RBM26: variants seen among roughly 807,000 people sequenced by gnomAD.
RBM26 encodes the protein RNA-binding protein 26.
RBM26 carries 30 observed loss-of-function variants against 123.6 expected under a neutral mutation model. The ratio of observed to expected loss-of-function variants is 0.24; its 90% CI spans 0.18 to 0.33. RBM26 has a LOEUF of 0.33. RBM26 is among the 10% of genes least tolerant of loss of function. RBM26 has a pLI of 1.00. For missense variants in RBM26, 947 were observed against 1,203.6 expected (o/e 0.79, Z 3.15); for synonymous variants, 400 against 404.4 (o/e 0.99, Z 0.13).
chr13:79,366,635 G>A lies in RBM26; in HGVS notation c.1133C>T (p.Thr378Ile), dbSNP rs1466261520. The A allele has an allele frequency of 1.3e-6, 2 of 1,547,776 alleles. No individual in the cohort carries two copies. The change falls in exon 7 of 22, where the codon ACA becomes ATA. Residue 378 changes from threonine (T) to isoleucine (I), a missense_variant and splice_region_variant. Thr to Ile is a moderately conservative substitution (Grantham distance 89, BLOSUM62 -1). Coordinates refer to ENST00000438737, the MANE Select transcript of RBM26 (RefSeq NM_001366735.2). ...GPLPPSLPPV[T>I]GPPPPLPPLQ... ...GGGAAACAAACAGATTTACTTACCT[G>A]TAACAGGTGGGAGACTGGGTGGCAA...
chr13:79,353,257 T>C, intron 13 of RBM26, 33 bp from the exon 14 acceptor site: 1 of 1,225,242 alleles, frequency 8.2e-7, no homozygotes, highest in Non-Finnish European at 1.2e-6. Context: ...ATTCAGTGTT[T>C]CCCCAAACAT....
chr13:79,371,765 A>G (rs2075905785), intron 4 of RBM26, 77 bp downstream of exon 4: 3 of 1,047,820 alleles, frequency 2.9e-6, no homozygotes, highest in Admixed American at 3.8e-5. Context: ...TCTGCGTAAA[A>G]GATAACCCAA....
intron 1 of RBM26, among the ~76,000 whole-genome samples, chr13:79,400,546 GACAA>G (rs2078976557): frequency 6.6e-6 from 1 of 152,068 alleles, no homozygotes; most frequent in Non-Finnish European, 1.5e-5. Context: ...TTCTGGAGAA[GACAA>G]ACATTCAAAT....
chr13:79,353,031 G>C (rs1186610411), intron 14 of RBM26, 122 bp downstream of exon 14: 1 of 490,098 alleles, frequency 2.0e-6, no homozygotes, highest in Non-Finnish European at 3.5e-6. Context: ...CCAAAAGGTA[G>C]GAAAAGATAC....
At chr13:79,373,134 T>G (rs1230784843) in intron 3 of RBM26, among the ~76,000 whole-genome samples, 1 of 74,936 alleles carries the variant, frequency 1.3e-5, no homozygotes, top group African/African-American at 5.7e-5. Context: ...ATAAGATATA[T>G]CTTATATATT....
intron 11 of RBM26, among the ~76,000 whole-genome samples, chr13:79,357,970 C>T (rs1231171189): frequency 1.3e-5 from 2 of 151,004 alleles, no homozygotes; most frequent in Non-Finnish European, 2.9e-5. Flanking sequence ...GCAACCTTAG[C>T]CTCCCAGATT....
chr13:79,329,420 G>A (rs1385736198), intron 20 of RBM26, among the ~76,000 whole-genome samples: 1 of 151,448 alleles, frequency 6.6e-6, no homozygotes, highest in East Asian at 1.9e-4. Flanking sequence ...TAATAGTAAT[G>A]CGTACCCCTA....
chr13:79,353,481 C>T (rs1031308767), intron 13 of RBM26, among the ~76,000 whole-genome samples: 1 of 151,988 alleles, frequency 6.6e-6, no homozygotes, highest in Non-Finnish European at 1.5e-5. Context: ...AAAGTCCCTG[C>T]CACTGACACA....
Position 79,389,913 on chromosome 13 carries a change from T to C in RBM26, c.72-11006A>G, listed in dbSNP as rs1030165749. 7.2e-5 allele frequency among the ~76,000 whole-genome samples: 11 copies of C among 152,240 alleles called. No homozygotes were observed. In the East Asian group the frequency reaches 7.7e-4, roughly 11 times the overall value. On this transcript the variant is annotated intron_variant, in intron 1 of 21. Coordinates refer to ENST00000438737, the MANE Select transcript of RBM26 (RefSeq NM_001366735.2). Reference sequence around the variant, plus strand: ...AATTCTATGGAACCACTGGAAAGAATAGGAATCTACCTAACAGTATACTTT... The same window carrying C: ...AATTCTATGGAACCACTGGAAAGAACAGGAATCTACCTAACAGTATACTTT...
chr13:79,347,925 A>T (rs1353324368), intron 14 of RBM26, among the ~76,000 whole-genome samples: 1 of 151,268 alleles, frequency 6.6e-6, no homozygotes, highest in Non-Finnish European at 1.5e-5. Flanking sequence ...TTTATTGCAG[A>T]TTTCCTTCAT....
chr13:79,333,770 A>G (rs1003253403), intron 20 of RBM26, among the ~76,000 whole-genome samples: 1 of 152,178 alleles, frequency 6.6e-6, no homozygotes, highest in African/African-American at 2.4e-5. Flanking sequence ...TGGAAAGACA[A>G]TTCAAGATTG....
At position 79,404,082 on chromosome 13, in the gene RBM26, C is replaced by T. The variant is rs140802268; in HGVS notation, c.71+1622G>A. 3.5e-4 allele frequency among the ~76,000 whole-genome samples: 53 copies of T among 152,286 alleles called. 1 individual carries two copies. Among genetic ancestry groups the T allele is most frequent in the African/African-American group, 1.2e-3 (51 of 41,562 alleles). On this transcript the variant is annotated intron_variant, in intron 1 of 21. Transcript: ENST00000438737. ...CTGCATGACTCCAGATTTCTCCAGT[C>T]CTGTCCTGAGTTTTAGACTCATATA... is the stretch of plus-strand genomic sequence containing the variant.
chr13:79,368,160 G>T (rs966107359), intron 6 of RBM26, among the ~76,000 whole-genome samples: 3 of 152,216 alleles, frequency 2.0e-5, no homozygotes, highest in East Asian at 3.9e-4. Context: ...GAGTAGCTGG[G>T]ACTACAGGCG....
intron 1 of RBM26, among the ~76,000 whole-genome samples, chr13:79,381,869 A>T (rs2077096221): frequency 7.4e-6 from 1 of 134,696 alleles, no homozygotes; most frequent in Non-Finnish European, 1.8e-5. Context: ...AAATAATTTG[A>T]AAGGCAGATG....
intron 11 of RBM26, among the ~76,000 whole-genome samples, chr13:79,357,229 TC>T (rs1258073395): frequency 6.6e-6 from 1 of 152,140 alleles, no homozygotes; most frequent in African/African-American, 2.4e-5. Context: ...CAAACATGAA[TC>T]TTTTTCCCGC....
chr13:79,361,253 A>G (rs2074650146), intron 9 of RBM26, among the ~76,000 whole-genome samples: 1 of 152,154 alleles, frequency 6.6e-6, no homozygotes, highest in Non-Finnish European at 1.5e-5. Context: ...ATACATACAG[A>G]GACTCAAATC....
chr13:79,358,613 T>C (rs1249549880), intron 10 of RBM26, among the ~76,000 whole-genome samples, 180 bp from the exon 11 acceptor site: 1 of 152,224 alleles, frequency 6.6e-6, no homozygotes, highest in African/African-American at 2.4e-5. Context: ...AAATGAACAC[T>C]GTTAGTATCT....
chr13:79,373,546 T>TCA (rs1261150286), intron 3 of RBM26, among the ~76,000 whole-genome samples: 10 of 34,556 alleles, frequency 2.9e-4, no homozygotes, highest in South Asian at 7.9e-4. Flanking sequence ...TATAATATAT[T>TCA]TATATATTAC....
intron 1 of RBM26, 48 bp from the exon 2 acceptor site, chr13:79,378,955 C>A: frequency 2.7e-6 from 3 of 1,123,382 alleles, no homozygotes; most frequent in South Asian, 2.7e-5. Context: ...ACTGCACATT[C>A]TACAAATTCC....
Sources: gnomAD v4.1 joint callset for allele counts (sites outside exome capture counted in the v4.1 genomes callset) on GRCh38, gnomAD v4.1.1 for gene constraint, MANE v1.5 for transcripts, NCBI Gene and HGNC (gene_info 2026-07-23, HGNC 2026-07-21) for gene names.